Variants in CFAP74 observed in about 807,000 individuals in gnomAD.
CFAP74 encodes cilia and flagella associated protein 74, also known as cilia- and flagella-associated protein 74.
In CFAP74, 124 loss-of-function variants were observed where a neutral mutation model predicts 188.9. That is an observed-to-expected ratio of 0.66 (90% CI 0.57 to 0.76). The LOEUF (loss-of-function observed/expected upper bound fraction) is 0.76. Ranked by LOEUF, CFAP74 falls within the 30% of genes least tolerant of loss-of-function variation. The probability of loss-of-function intolerance (pLI) is 0.00; values close to 1 mark genes in which losing one functional copy is unlikely to be tolerated. For missense variants in CFAP74, 2,198 were observed against 2,165.2 expected (o/e 1.02, Z -0.30); for synonymous variants, 956 against 916.7 (o/e 1.04, Z -0.77).
chr1:1,971,579 C>T (rs1357585736), intron 9 of CFAP74, among the ~76,000 whole-genome samples: 10 of 152,266 alleles, frequency 6.6e-5, no homozygotes, highest in Admixed American at 1.3e-4. Flanking sequence ...GTCACCTGCC[C>T]GCCTCTGCTC....
intron 25 of CFAP74, among the ~76,000 whole-genome samples, chr1:1,933,473 C>T (rs919002269): frequency 2.0e-5 from 3 of 152,248 alleles, no homozygotes; most frequent in Non-Finnish European, 4.4e-5. Flanking sequence ...AGCCACCGCA[C>T]CCGGCCCAAC....
intron 25 of CFAP74, among the ~76,000 whole-genome samples, chr1:1,938,538 A>C (rs946355822): frequency 4.0e-5 from 6 of 151,822 alleles, no homozygotes; most frequent in African/African-American, 1.5e-4. Flanking sequence ...TCCTACAGTG[A>C]TACGTCTGCG....
intron 17 of CFAP74, among the ~76,000 whole-genome samples, chr1:1,956,328 G>A (rs763583806): frequency 4.1e-4 from 62 of 152,290 alleles, no homozygotes; most frequent in Non-Finnish European, 8.4e-4. Flanking sequence ...GTCGGGGGAG[G>A]CTGGGTCTCC....
chr1:1,983,946 C>T (rs575499476), intron 6 of CFAP74: 4 of 137,318 alleles, frequency 2.9e-5, no homozygotes, highest in Admixed American at 7.1e-5. Context: ...GCCTCGGCCT[C>T]CCAAAGTGCT....
At chr1:2,000,061 G>A (rs1233199889) in intron 1 of CFAP74, among the ~76,000 whole-genome samples, 5 of 152,046 alleles carry the variant, frequency 3.3e-5, no homozygotes, top group Admixed American at 6.6e-5. Flanking sequence ...CTCCTCAGGA[G>A]GTTGAAGCAG....
At chr1:1,970,944 C>T in intron 9 of CFAP74, 128 bp from the exon 10 acceptor site, 1 of 1,132,874 alleles carries the variant, frequency 8.8e-7, no homozygotes, top group Non-Finnish European at 1.3e-6. Flanking sequence ...CACACATGCA[C>T]ACCTGCACAT....
chr1:1,927,651 A>G lies in CFAP74; in HGVS notation c.3483T>C (p.Ser1161=). ...AQNRDKLFKV[S]VPHVLEMRKR... is the part of the protein sequence containing the mutation. ...TCCGCATCTCCAGGACGTGGGGGAC[A>G]GAGACTTTGAACAGCTTGTCGCGGT... The change falls in exon 28 of 39, where the codon TCT becomes TCC. Residue 1161 remains serine (S), a synonymous_variant. Transcript: ENST00000682832. 1 of 1,550,212 alleles carries G rather than the reference A, an allele frequency of 6.5e-7. No individual in the cohort carries two copies. Among genetic ancestry groups the G allele is most frequent in the Non-Finnish European group, 8.7e-7 (1 of 1,146,860 alleles).
chr1:1,963,413 C>T (rs530898818), intron 14 of CFAP74, among the ~76,000 whole-genome samples: 5 of 131,106 alleles, frequency 3.8e-5, no homozygotes, highest in African/African-American at 1.1e-4. Context: ...ACCGCGCCAT[C>T]GCACTTGCAC....
chr1:1,972,367 A>T (rs1046307790), intron 8 of CFAP74, among the ~76,000 whole-genome samples: 5 of 152,374 alleles, frequency 3.3e-5, no homozygotes, highest in African/African-American at 1.2e-4. Flanking sequence ...TGGGATGGGC[A>T]AAAGGTGCTG....
At chr1:1,997,400 C>T (rs1311028434) in intron 1 of CFAP74, among the ~76,000 whole-genome samples, 2 of 144,138 alleles carry the variant, frequency 1.4e-5, no homozygotes, top group Non-Finnish European at 3.0e-5. Flanking sequence ...CCAGCCTGGG[C>T]GACAAGAGCG....
At position 1,941,608 on chromosome 1, in the gene CFAP74, A is replaced by G. The variant is rs954955380; in HGVS notation, c.2615+420T>C. On this transcript the variant is annotated intron_variant, in intron 22 of 38. Transcript: ENST00000682832. ...GGGAGTTACTGGGAAAGGGATGAAGACAGGGAAGACAGCGGGGGAGTGCAC... is the reference window on the plus strand; with the variant it reads ...GGGAGTTACTGGGAAAGGGATGAAGGCAGGGAAGACAGCGGGGGAGTGCAC... 2.6e-5 allele frequency among the ~76,000 whole-genome samples: 4 copies of G among 152,130 alleles called. No homozygotes were observed. The South Asian group carries it at 8.3e-4, about 32-fold the overall frequency.
intron 5 of CFAP74, among the ~76,000 whole-genome samples, 166 bp downstream of exon 5, chr1:1,986,771 C>T (rs1229271954): frequency 6.6e-6 from 1 of 152,244 alleles, no homozygotes; most frequent in Admixed American, 6.5e-5. Context: ...CAGGCCCCAG[C>T]AGTGCCGACC....
At chr1:1,944,901 C>T (rs527444639) in intron 20 of CFAP74, among the ~76,000 whole-genome samples, 16 of 152,276 alleles carry the variant, frequency 1.1e-4, no homozygotes, top group East Asian at 3.9e-4. Flanking sequence ...CCACTGCGCC[C>T]GGCCAAATAT....
intron 19 of CFAP74, 33 bp downstream of exon 19, chr1:1,946,957 G>A (rs773548530): frequency 1.3e-4 from 193 of 1,499,050 alleles, no homozygotes; most frequent in Non-Finnish European, 1.6e-4. Flanking sequence ...GTCTTGGATC[G>A]TGGCAGCTAT....
Position 1,925,656 on chromosome 1 carries a change from G to A in CFAP74, c.4104+127C>T, listed in dbSNP as rs1382579344. 4 of 996,762 alleles carry A rather than the reference G, an allele frequency of 4.0e-6. No individual in the cohort carries two copies. In the African/African-American group the frequency reaches 4.9e-5, roughly 12 times the overall value. The allele number at this position is 996,762 out of a possible 1,614,324, so 61.7% of individuals were successfully genotyped here. A position where few individuals can be genotyped will look rare whatever the true frequency, so the allele number is the denominator to read the frequency against. On this transcript the variant is annotated intron_variant, in intron 33 of 38. Coordinates refer to ENST00000682832, the MANE Select transcript of CFAP74 (RefSeq NM_001304360.2). ...GGCAGCTGTGTAGAGGAGGGGTAGA[G>A]GGGGCCACCTGTGTCCCCACGGGCT...
chr1:1,999,267 G>A (rs372105199), intron 1 of CFAP74, among the ~76,000 whole-genome samples: 6 of 152,292 alleles, frequency 3.9e-5, no homozygotes, highest in South Asian at 2.1e-4. Flanking sequence ...ACGTACTAGC[G>A]CTATGCAGGA....
chr1:1,940,047 G>A (rs1302564077), intron 23 of CFAP74, among the ~76,000 whole-genome samples: 1 of 152,188 alleles, frequency 6.6e-6, no homozygotes, highest in East Asian at 1.9e-4. Context: ...GTGTGCAGCT[G>A]AGTGTGTGGG....
At chr1:1,991,782 GT>G (rs1657581587) in intron 1 of CFAP74, among the ~76,000 whole-genome samples, 2 of 152,172 alleles carry the variant, frequency 1.3e-5, no homozygotes, top group Admixed American at 1.3e-4. Flanking sequence ...GCTCACACCT[GT>G]AATCCCAGCA....
At chr1:1,940,595 G>A (rs1374582898) in intron 22 of CFAP74, among the ~76,000 whole-genome samples, 192 bp from the exon 23 acceptor site, 1 of 152,184 alleles carries the variant, frequency 6.6e-6, no homozygotes. Flanking sequence ...CTGTGGCCCC[G>A]TGAGGGCTCT....
Sources: gnomAD v4.1 joint callset for allele counts (sites outside exome capture counted in the v4.1 genomes callset) on GRCh38, gnomAD v4.1.1 for gene constraint, MANE v1.5 for transcripts, NCBI Gene and HGNC (gene_info 2026-07-23, HGNC 2026-07-21) for gene names.